Variants in SIGLEC8 observed in about 807,000 individuals in gnomAD.
The protein encoded by SIGLEC8 is sialic acid binding Ig like lectin 8.
In SIGLEC8, 32 loss-of-function variants were observed where a neutral mutation model predicts 42.1. The observed-to-expected ratio is 0.76, with a 90% CI of 0.57 to 1.02. SIGLEC8 has a LOEUF of 1.02. Among genes scored for constraint, SIGLEC8 ranks in the 50% least tolerant of loss-of-function variants. SIGLEC8 has a pLI of 0.00. For missense variants in SIGLEC8, 611 were observed against 610.2 expected (o/e 1.00, Z -0.01); for synonymous variants, 262 against 260.3 (o/e 1.01, Z -0.06).
Position 51,458,279 on chromosome 19 carries a change from C to T in SIGLEC8, c.109G>A (p.Val37Met). 3.7e-6 allele frequency: 6 copies of T among 1,614,144 alleles called. No homozygotes were observed. The highest frequency in any genetic ancestry group is 5.1e-6 in the Non-Finnish European group (6 of 1,180,008). ...YLLQVQELVTVQEGLCVHVPC... is the reference protein window; with the variant it reads ...YLLQVQELVTMQEGLCVHVPC... ...ACATGGACACACAGGCCCTCCTGCA[C>T]CGTCACCAGCTCCTGCACTTGCAGC... The change falls in exon 1 of 7, where the codon GTG (valine) becomes ATG (methionine). Residue 37 changes from valine to methionine, a missense_variant. Val to Met is a conservative substitution (Grantham distance 21). Coordinates refer to ENST00000321424, the MANE Select transcript of SIGLEC8 (RefSeq NM_014442.3).
intron 1 of SIGLEC8, 90 bp downstream of exon 1, chr19:51,457,844 A>C: frequency 6.4e-7 from 1 of 1,551,332 alleles, no homozygotes; most frequent in Non-Finnish European, 8.8e-7. Context: ...ACTTATTTCA[A>C]TCCCAACCCC....
rs767591362 is a variant in SIGLEC8, at chr19:51,452,607, A to C, written c.1272T>G (p.Asp424Glu). 3 of 1,552,784 alleles carry C rather than the reference A, an allele frequency of 1.9e-6. No homozygotes were observed. The African/African-American group carries it at 4.1e-5, about 21-fold the overall frequency. ...GGGGAGGCTTCTTCAGGGGGTTGCC[A>C]TCTTTCCAGGATTCAGTCAGGGGTC... ...SQGPLTESWK[D>E]GNPLKKPPPA... is the part of the protein sequence containing the mutation. Residue 424 changes from aspartate to glutamate, a missense_variant, in exon 7 of 7, where the codon GAT becomes GAG. Transcript: ENST00000321424.
chr19:51,454,399 TG>T lies in SIGLEC8; in HGVS notation c.1149-85del. On this transcript the variant is annotated intron_variant, in intron 5 of 6. Transcript: ENST00000321424. This position sits in a 1 kb window ranked among gnomAD's most constrained non-coding sequence, Gnocchi z 4.7. Reference sequence around the variant, plus strand: ...CCAACCCCTGCCCTGTATTTCCTACTGGGGGCTTGAGGGGTGACCGAGGCGC... The same window carrying T: ...CCAACCCCTGCCCTGTATTTCCTACTGGGGCTTGAGGGGTGACCGAGGCGC... The T allele has an allele frequency of 1.9e-6, 3 of 1,610,218 alleles. No homozygotes were observed. The highest frequency in any genetic ancestry group is 1.7e-6 in the Non-Finnish European group (2 of 1,179,146).
At position 51,452,393 on chromosome 19, in the gene SIGLEC8, C is replaced by T. The variant is rs759003380; in HGVS notation, c.1486G>A (p.Glu496Lys). 5 of 1,600,270 alleles carry T rather than the reference C, an allele frequency of 3.1e-6. No individual in the cohort carries two copies. The highest frequency in any genetic ancestry group is 4.3e-6 in the Non-Finnish European group (5 of 1,168,466). Residue 496 changes from glutamate (E) to lysine (K), a missense_variant, in exon 7 of 7, where the codon GAA (glutamate) becomes AAA (lysine). Transcript: ENST00000321424. ...CLRNHNPSSK[E>K]VRG ...TTCTATGAGAATCAGCCTCTGACTT[C>T]TTTGCTGGAGGGGTTGTGATTCCTC...
chr19:51,457,367 C>A, intron 2 of SIGLEC8, 94 bp downstream of exon 2: 2 of 1,528,264 alleles, frequency 1.3e-6, no homozygotes, highest in Non-Finnish European at 8.9e-7. Context: ...ATTCTGGGAC[C>A]CAGAACCCAG....
rs1000195859 is a variant in SIGLEC8 at position 51,452,521 on chromosome 19, T to C, written c.1358A>G (p.His453Arg). ...CTGCGGGTCCTGAGGCTTCACTTTA[T>C]GGAAGCTGAGGGTTGCATAATGGAG... ...GELHYATLSF[H>R]KVKPQDPQGQ... is the part of the protein sequence containing the mutation. The change falls in exon 7 of 7, where the codon CAT (histidine) becomes CGT (arginine). Residue 453 changes from histidine to arginine, a missense_variant. Physicochemically the swap from His to Arg is conservative, Grantham distance 29. Coordinates refer to ENST00000321424, the MANE Select transcript of SIGLEC8 (RefSeq NM_014442.3). 6.2e-7 allele frequency: 1 copy of C among 1,605,192 alleles called. No individual in the cohort carries two copies. Among genetic ancestry groups the C allele is most frequent in the African/African-American group, 1.3e-5 (1 of 74,916 alleles).
At position 51,458,104 on chromosome 19, in the gene SIGLEC8, C is replaced by T. The variant is rs61735199; in HGVS notation, c.284G>A (p.Arg95Gln). 1.0e-3 allele frequency: 1,623 copies of T among 1,614,164 alleles called. 4 individuals are homozygous for T. Among genetic ancestry groups the T allele is most frequent in the Non-Finnish European group, 1.2e-3 (1,429 of 1,180,020 alleles). Residue 95 changes from arginine to glutamine, a missense_variant, in exon 1 of 7, where the codon CGA (arginine) becomes CAA (glutamine). By Grantham distance (43) the Arg-to-Gln change is conservative (BLOSUM62 1). Coordinates refer to ENST00000321424, the MANE Select transcript of SIGLEC8 (RefSeq NM_014442.3). ...DREVQAETQG[R>Q]FQLLGDIWSN... Reference sequence around the variant, plus strand: ...CCAAATGTCCCCAAGGAGTTGGAATCGGCCCTGGGTCTCTGCCTGCACTTC... The same window carrying T: ...CCAAATGTCCCCAAGGAGTTGGAATTGGCCCTGGGTCTCTGCCTGCACTTC...
At chr19:51,453,566 G>A (rs560875406) in intron 6 of SIGLEC8, 79 of 380,164 alleles carry the variant, frequency 2.1e-4, no homozygotes, top group Non-Finnish European at 2.3e-4. Context: ...TTGGTGGCGC[G>A]TGCCTGTAAT....
At chr19:51,456,560 G>T (rs1445699557) in intron 3 of SIGLEC8, among the ~76,000 whole-genome samples, 2 of 152,208 alleles carry the variant, frequency 1.3e-5, no homozygotes, top group Non-Finnish European at 2.9e-5. Context: ...CTTAAGGGAT[G>T]CCACAAAGTC....
In SIGLEC8 at chr19:51,454,687, A is replaced by G; in HGVS notation, c.1145T>C (p.Ile382Thr). The G allele has an allele frequency of 6.2e-7, 1 of 1,611,870 alleles. No individual in the cohort carries two copies. Among genetic ancestry groups the G allele is most frequent in the Non-Finnish European group, 8.5e-7 (1 of 1,178,208 alleles). Reference protein sequence around the residue: ...LAFLSFCIIFIIVRSCRKKSA... With the variant: ...LAFLSFCIIFTIVRSCRKKSA... ...CCTCCCCAGGGTCAATGCTCACATGATGAAGATGATGCAGAAGGACAGGAA... is the reference window on the plus strand; with the variant it reads ...CCTCCCCAGGGTCAATGCTCACATGGTGAAGATGATGCAGAAGGACAGGAA... The change falls in exon 5 of 7, where the codon ATC becomes ACC. Residue 382 changes from isoleucine (I) to threonine (T), a missense_variant. Coordinates refer to ENST00000321424, the MANE Select transcript of SIGLEC8 (RefSeq NM_014442.3). The surrounding 1 kb of genome is among the most constrained non-coding windows in gnomAD (Gnocchi z 4.7).
chr19:51,458,196 G>T lies in SIGLEC8; in HGVS notation c.192C>A (p.Gly64=). 6.2e-7 allele frequency: 1 copy of T among 1,614,114 alleles called. No individual in the cohort carries two copies. Among genetic ancestry groups the T allele is most frequent in the South Asian group, 1.1e-5 (1 of 91,082 alleles). ...DGWTDSDPVH[G]YWFRAGDRPY... ...GTCTGTCTCCTGCCCGGAACCAGTA[G>T]CCATGAACTGGGTCAGAGTCAGTCC... Residue 64 remains glycine (G), a synonymous_variant, in exon 1 of 7, where the codon GGC becomes GGA. Transcript: ENST00000321424.
chr19:51,455,059 A>G (rs560252551), intron 4 of SIGLEC8, among the ~76,000 whole-genome samples: 3 of 152,326 alleles, frequency 2.0e-5, no homozygotes, highest in East Asian at 3.9e-4. Flanking sequence ...TGGCATTGCA[A>G]TATTACTTTA....
intron 6 of SIGLEC8, among the ~76,000 whole-genome samples, chr19:51,453,089 T>G (rs899847407): frequency 2.0e-5 from 3 of 150,088 alleles, no homozygotes; most frequent in Non-Finnish European, 2.9e-5. Context: ...TTTTGTTTTG[T>G]TTTTTGGTTT....
chr19:51,458,086 T>G lies in SIGLEC8; in HGVS notation c.302A>C (p.Asp101Ala). The change falls in exon 1 of 7, where the codon GAC becomes GCC. Residue 101 changes from aspartate to alanine, a missense_variant. Asp to Ala is a moderately radical substitution (Grantham distance 126). Transcript: ENST00000321424. ...CAGGGAGCAGTCGTTGCTCCAAATG[T>G]CCCCAAGGAGTTGGAATCGGCCCTG... is the stretch of plus-strand genomic sequence containing the variant. ...ETQGRFQLLGDIWSNDCSLSI... is the reference protein window; with the variant it reads ...ETQGRFQLLGAIWSNDCSLSI... 1 of 1,614,164 alleles carries G rather than the reference T, an allele frequency of 6.2e-7. No individual in the cohort carries two copies. Among genetic ancestry groups the G allele is most frequent in the Non-Finnish European group, 8.5e-7 (1 of 1,180,030 alleles).
Position 51,455,462 on chromosome 19 carries a change from G to A in SIGLEC8, c.1007C>T (p.Ser336Phe), listed in dbSNP as rs753080691. 1.1e-5 allele frequency: 18 copies of A among 1,614,092 alleles called. No individual in the cohort carries two copies. Among genetic ancestry groups the A allele is most frequent in the Non-Finnish European group, 1.3e-5 (15 of 1,179,990 alleles). Residue 336 changes from serine (S) to phenylalanine (F), a missense_variant, in exon 4 of 7, where the codon TCC (serine) becomes TTC (phenylalanine). Transcript: ENST00000321424. ...GGAGAGGCTCAGGGAAATGTGCTGG[G>A]AGCCCTGAGCGTTCTGAGCTCGGCA... Reference protein sequence around the residue: ...FTCRAQNAQGSQHISLSLSLQ... With the variant: ...FTCRAQNAQGFQHISLSLSLQ...
rs751750303 is a variant in SIGLEC8, at chr19:51,452,594, T to C, written c.1285A>G (p.Lys429Glu). 6.4e-7 allele frequency: 1 copy of C among 1,565,428 alleles called. No individual in the cohort carries two copies. The highest frequency in any genetic ancestry group is 8.7e-7 in the Non-Finnish European group (1 of 1,150,914). Residue 429 changes from lysine (K) to glutamate (E), a missense_variant, in exon 7 of 7, where the codon AAG becomes GAG. Transcript: ENST00000321424. ...GGGGCAACAGCTGGGGGAGGCTTCTTCAGGGGGTTGCCATCTTTCCAGGAT... is the reference window on the plus strand; with the variant it reads ...GGGGCAACAGCTGGGGGAGGCTTCTCCAGGGGGTTGCCATCTTTCCAGGAT... ...TESWKDGNPL[K>E]KPPPAVAPSS...
Position 51,457,686 on chromosome 19 carries a change from A to G in SIGLEC8, c.508T>C (p.Ser170Pro), listed in dbSNP as rs10409962. ...GGCACAGAGCAGGTCAGGTTCCTGG[A>G]GTGGCCAGACTCTAGGGTCCCTAGG... is the stretch of plus-strand genomic sequence containing the variant. ...LILGTLESGH[S>P]RNLTCSVPWA... The change falls in exon 2 of 7, where the codon TCC (serine) becomes CCC (proline). Residue 170 changes from serine to proline, a missense_variant. Transcript: ENST00000321424. 0.098 allele frequency: 156,880 copies of G among 1,606,140 alleles called. 14,870 individuals carry two copies. The highest frequency in any genetic ancestry group is 0.51 in the African/African-American group (38,006 of 74,762).
chr19:51,452,934 G>T (rs1989400630), intron 6 of SIGLEC8, among the ~76,000 whole-genome samples: 1 of 152,112 alleles, frequency 6.6e-6, no homozygotes. Flanking sequence ...GTTGCAGCAG[G>T]ACCCAATCCA....
rs370329422 is a variant in SIGLEC8, at chr19:51,457,082, CA to C, written c.781+101del. On this transcript the variant is annotated intron_variant, in intron 3 of 6. Coordinates refer to ENST00000321424, the MANE Select transcript of SIGLEC8 (RefSeq NM_014442.3). ...TGTGCCCTGGGCTCACGCACAGTGG[CA>C]GCTCTGTTTCCCAAAGTGATTCCAG... The C allele has an allele frequency of 5.2e-5, 56 of 1,071,928 alleles. No homozygotes were observed. In the Middle Eastern group the frequency reaches 1.6e-3, roughly 31 times the overall value. 66.4% of individuals were successfully genotyped at this position (1,071,928 alleles called of 1,614,324 possible).
Sources: gnomAD v4.1 joint callset for allele counts (sites outside exome capture counted in the v4.1 genomes callset) on GRCh38, gnomAD v4.1.1 for gene constraint, Gnocchi (gnomAD v3.1) non-coding constraint, MANE v1.5 for transcripts, NCBI Gene and HGNC (gene_info 2026-07-23, HGNC 2026-07-21) for gene names.